LMBR1L: variants seen among roughly 807,000 people sequenced by gnomAD.
The protein encoded by LMBR1L is protein LMBR1L.
Under a neutral mutation model 67.3 loss-of-function variants are expected in LMBR1L, and 47 were observed. The observed-to-expected ratio is 0.70, with a 90% confidence interval of 0.55 to 0.89. The LOEUF is 0.89. Among genes scored for constraint, LMBR1L ranks in the 40% least tolerant of loss-of-function variants. LMBR1L has a pLI of 0.00. For synonymous variants in LMBR1L, 247 were observed against 250.3 expected, an observed-to-expected ratio of 0.99 and a Z score of 0.13; for missense variants, 533 against 599.2, an observed-to-expected ratio of 0.89 and a Z score of 1.15.
chr12:49,108,093 T>C (rs931781000), intron 1 of LMBR1L, among the ~76,000 whole-genome samples: 1 of 151,730 alleles, frequency 6.6e-6, no homozygotes, highest in African/African-American at 2.4e-5. Context: ...TGGAACCCCA[T>C]CTCTACTAAA....
At chr12:49,107,111 C>A in intron 1 of LMBR1L, 66 bp from the exon 2 acceptor site, 3 of 1,061,582 alleles carry the variant, frequency 2.8e-6, no homozygotes, top group Non-Finnish European at 4.4e-6. Context: ...CCCCAAGGGC[C>A]TCTCTGTTAA....
At chr12:49,102,748 G>T (rs1592210027) in intron 8 of LMBR1L, 139 bp downstream of exon 8, 1 of 886,168 alleles carries the variant, frequency 1.1e-6, no homozygotes, top group East Asian at 2.6e-5. Context: ...CATGATAGGG[G>T]TACAGAATAC....
chr12:49,101,984 G>C, intron 11 of LMBR1L, 136 bp downstream of exon 11: 2 of 703,572 alleles, frequency 2.8e-6, no homozygotes, highest in Non-Finnish European at 2.4e-6. Flanking sequence ...CCACAGGCAG[G>C]ACATAAAAGT....
At chr12:49,108,035 T>G (rs978624695) in intron 1 of LMBR1L, among the ~76,000 whole-genome samples, 7 of 150,726 alleles carry the variant, frequency 4.6e-5, no homozygotes, top group African/African-American at 1.5e-4. Flanking sequence ...GAGGCCACAG[T>G]GGGAGGATCA....
chr12:49,104,237 A>G, intron 5 of LMBR1L: 1 of 572,736 alleles, frequency 1.7e-6, no homozygotes, highest in Non-Finnish European at 3.1e-6. Flanking sequence ...GGGCAGCTTC[A>G]CATCCCTGGC....
rs1426361312 is a variant in LMBR1L, at chr12:49,101,565, T to A, written c.931-16A>T. The A allele has an allele frequency of 2.5e-6, 4 of 1,594,352 alleles. No individual in the cohort carries two copies. In the African/African-American group the frequency reaches 5.4e-5, roughly 21 times the overall value. ...CAGACAGGCCCTGTGTGAGGCAAGG[T>A]CAGACTCCCATTCCACCCCAGACCA... On this transcript the variant is annotated splice_polypyrimidine_tract_variant and intron_variant, in intron 11 of 16. Transcript: ENST00000267102.
intron 6 of LMBR1L, 132 bp from the exon 7 acceptor site, chr12:49,103,291 G>C: frequency 2.6e-6 from 2 of 756,160 alleles, no homozygotes; most frequent in Non-Finnish European, 4.4e-6. Flanking sequence ...GAAGAAAGCT[G>C]GCCAGCATTA....
intron 1 of LMBR1L, 131 bp downstream of exon 1, chr12:49,110,353 G>A (rs1941408152): frequency 7.3e-6 from 6 of 821,064 alleles, no homozygotes; most frequent in South Asian, 2.9e-5. Flanking sequence ...CCTTCTGCCC[G>A]GACGGAGGCC....
Position 49,101,396 on chromosome 12 carries a change from T to A in LMBR1L, c.1009-73A>T, listed in dbSNP as rs1940162647. 3 of 1,603,926 alleles carry A rather than the reference T, an allele frequency of 1.9e-6. No homozygotes were observed. In the South Asian group the frequency reaches 3.3e-5, roughly 18 times the overall value. ...TACCCGGCACCCAGCCTTCCCACTG[T>A]CCTCAGCTTCTGCCTCCTCTCCCCA... is the stretch of plus-strand genomic sequence containing the variant. On this transcript the variant is annotated intron_variant, in intron 12 of 16. Transcript: ENST00000267102.
Position 49,097,401 on chromosome 12 carries a change from AGATT to A in LMBR1L, c.*267_*270del, listed in dbSNP as rs1405670538. On this transcript the variant is annotated 3_prime_UTR_variant, in exon 17 of 17. Coordinates refer to ENST00000267102, the MANE Select transcript of LMBR1L (RefSeq NM_018113.4). ...GGATGGCCCAGAACAGCAGTGAGGC[AGATT>A]GATGTGTAAACAGATTTGGGATCAG... 1.4e-5 allele frequency: 7 copies of A among 489,456 alleles called. No homozygotes were observed. In the Admixed American group the frequency reaches 2.3e-4, roughly 16 times the overall value. The allele number at this position is 489,456 out of a possible 1,614,324, so 30.3% of individuals were successfully genotyped here. A position where few individuals can be genotyped will look rare whatever the true frequency, so the allele number is the denominator to read the frequency against.
In LMBR1L at chr12:49,104,869, A is replaced by C. The variant is rs1458956721; in HGVS notation, c.208T>G (p.Phe70Val). Residue 70 changes from phenylalanine to valine, a missense_variant, in exon 4 of 17, where the codon TTT becomes GTT. Around this residue, in one of 3 missense-constraint regions of LMBR1L, gnomAD observed 246 missense variants for 249.0 expected, o/e 0.99. Coordinates refer to ENST00000267102, the MANE Select transcript of LMBR1L (RefSeq NM_018113.4). ...VNKIALELCT[F>V]TLAIALGAVL... Reference sequence around the variant, plus strand: ...GCACCCAGGGCAATTGCCAGGGTAAAGGTGCACAGCTCGAGCCTGGGCAGA... The same window carrying C: ...GCACCCAGGGCAATTGCCAGGGTAACGGTGCACAGCTCGAGCCTGGGCAGA... The C allele has an allele frequency of 6.2e-7, 1 of 1,612,638 alleles. No homozygotes were observed. Among genetic ancestry groups the C allele is most frequent in the South Asian group, 1.1e-5 (1 of 90,812 alleles).
chr12:49,099,413 G>C (rs1939828942), intron 15 of LMBR1L, among the ~76,000 whole-genome samples: 1 of 151,592 alleles, frequency 6.6e-6, no homozygotes, highest in South Asian at 2.1e-4. Flanking sequence ...GCCTCCCAAA[G>C]TGTGAGATTA....
chr12:49,106,929 G>A, intron 2 of LMBR1L, 32 bp downstream of exon 2: 1 of 1,521,382 alleles, frequency 6.6e-7, no homozygotes, highest in African/African-American at 1.4e-5. Flanking sequence ...TGGCAACAGG[G>A]ACTCTAGCAG....
In LMBR1L at chr12:49,104,392, G is replaced by A. The variant is rs1940611122; in HGVS notation, c.435+56C>T. The A allele has an allele frequency of 4.0e-6, 5 of 1,252,134 alleles. No individual in the cohort carries two copies. The Middle Eastern group carries it at 7.5e-4, about 187-fold the overall frequency. 77.6% of individuals were successfully genotyped at this position (1,252,134 alleles called of 1,614,324 possible). On this transcript the variant is annotated intron_variant, in intron 5 of 16. Coordinates refer to ENST00000267102, the MANE Select transcript of LMBR1L (RefSeq NM_018113.4). The stretch of plus-strand genomic sequence containing the variant: ...TAGCCTCTTTATTAAAATCTCTTCA[G>A]CTGAACCATGTGTGTGGAATTCCGT...
At chr12:49,103,001 C>T (rs759092104) in intron 7 of LMBR1L, 50 bp from the exon 8 acceptor site, 3 of 1,607,200 alleles carry the variant, frequency 1.9e-6, no homozygotes, top group Admixed American at 1.7e-5. Flanking sequence ...TCCACCCCTT[C>T]CCTAACATGC....
chr12:49,100,651 C>A lies in LMBR1L; in HGVS notation c.1083-5G>T, dbSNP rs1450299248. The A allele has an allele frequency of 6.2e-7, 1 of 1,608,324 alleles. No individual in the cohort carries two copies. The highest frequency in any genetic ancestry group is 1.1e-5 in the South Asian group (1 of 90,872). On this transcript the variant is annotated splice_polypyrimidine_tract_variant and splice_region_variant and intron_variant, in intron 13 of 16. Coordinates refer to ENST00000267102, the MANE Select transcript of LMBR1L (RefSeq NM_018113.4). ...ACTGAGGACACCATTAGGTAACTGC[C>A]ACTGCATTAAGGAAGAACTGGCTGG...
Position 49,104,894 on chromosome 12 carries a change from A to G in LMBR1L, c.192-9T>C, listed in dbSNP as rs749967657. The stretch of plus-strand genomic sequence containing the variant: ...AGGTGCACAGCTCGAGCCTGGGCAG[A>G]GAAGGGGACAGTGTCCTTGCTTAGC... On this transcript the variant is annotated splice_polypyrimidine_tract_variant and intron_variant, in intron 3 of 16. Transcript: ENST00000267102. 3 of 1,607,186 alleles carry G rather than the reference A, an allele frequency of 1.9e-6. No individual in the cohort carries two copies. The East Asian group carries it at 6.7e-5, about 36-fold the overall frequency.
chr12:49,104,821 TGGA>T lies in LMBR1L; in HGVS notation c.253_255del (p.Ser85del). On this transcript the variant is annotated inframe_deletion, in exon 4 of 17. Coordinates refer to ENST00000267102, the MANE Select transcript of LMBR1L (RefSeq NM_018113.4). ...GAGAGCAGCACCTCATTGCTGATGA[TGGA>T]GAAGGGCAGGAGCAGGACAGCACCC... 1 of 1,613,740 alleles carries T rather than the reference TGGA, an allele frequency of 6.2e-7. No homozygotes were observed. Among genetic ancestry groups the T allele is most frequent in the Middle Eastern group, 1.7e-4 (1 of 6,030 alleles).
At chr12:49,097,800 G>C in intron 16 of LMBR1L, 61 bp from the exon 17 acceptor site, 1 of 1,607,664 alleles carries the variant, frequency 6.2e-7, no homozygotes, top group Non-Finnish European at 8.5e-7. Flanking sequence ...TAGGGACCAG[G>C]CAGCCAAGCC....
Sources: gnomAD v4.1 joint callset for allele counts (sites outside exome capture counted in the v4.1 genomes callset) on GRCh38, gnomAD v4.1.1 for gene constraint, gnomAD v4.1.1 regional missense constraint, MANE v1.5 for transcripts, NCBI Gene and HGNC (gene_info 2026-07-23, HGNC 2026-07-21) for gene names.